DLG2: variants seen among roughly 807,000 people sequenced by gnomAD.
DLG2 encodes disks large homolog 2.
DLG2 carries 45 observed loss-of-function variants against 132.5 expected under a neutral mutation model. The ratio of observed to expected loss-of-function variants is 0.34; its 90% confidence interval spans 0.27 to 0.44. The LOEUF (loss-of-function observed/expected upper bound fraction) is 0.44. Among genes scored for constraint, DLG2 ranks in the 20% least tolerant of loss-of-function variants. The probability of loss-of-function intolerance (pLI) is 1.00; values close to 1 mark genes in which losing one functional copy is unlikely to be tolerated. For synonymous variants in DLG2, 424 were observed against 419.6 expected (o/e 1.01, Z -0.13); for missense variants, 1,045 against 1,196.9 (o/e 0.87, Z 1.87).
chr11:83,974,802 T>C (rs2091951345), intron 12 of DLG2, among the ~76,000 whole-genome samples: 1 of 152,214 alleles, frequency 6.6e-6, no homozygotes, highest in East Asian at 1.9e-4. Flanking sequence ...GCTAGGTGCC[T>C]GTGACTGAAA....
chr11:84,800,742 T>C (rs1486704377), intron 6 of DLG2: 2 of 152,242 alleles, frequency 1.3e-5, no homozygotes, highest in Admixed American at 6.5e-5. Context: ...TTTTCTCTAG[T>C]TGATATGACT....
intron 21 of DLG2, among the ~76,000 whole-genome samples, chr11:83,490,272 A>C (rs193137467): frequency 3.9e-5 from 6 of 152,122 alleles, no homozygotes; most frequent in Non-Finnish European, 5.9e-5. Flanking sequence ...AGACACAAAC[A>C]AAACCTGGAT....
chr11:84,684,023 A>G (rs879498430), intron 6 of DLG2, among the ~76,000 whole-genome samples: 5 of 152,200 alleles, frequency 3.3e-5, no homozygotes, highest in Non-Finnish European at 5.9e-5. Context: ...TAGTTTTTCA[A>G]TCCCCTAAGC....
rs573353775 is a variant in DLG2, at chr11:85,032,785, C to T, written c.357+78876G>A. Among the ~76,000 whole-genome samples the T allele has an allele frequency of 2.4e-3, 358 of 152,264 alleles. 1 individual carries two copies. Among genetic ancestry groups the T allele is most frequent in the South Asian group, 3.9e-3 (19 of 4,832 alleles). ...TGGATGAAGACTACACAATGTGCAA[C>T]TTACTAAGTGAAAGTCAGAGGAAGG... On this transcript the variant is annotated intron_variant, in intron 6 of 27. Transcript: ENST00000376104.
intron 16 of DLG2, among the ~76,000 whole-genome samples, chr11:83,836,350 A>G (rs569562511): frequency 6.6e-6 from 1 of 152,278 alleles, no homozygotes; most frequent in African/African-American, 2.4e-5. Flanking sequence ...GATACATGAA[A>G]TTAACCATCA....
chr11:83,476,756 G>A (rs895519910), intron 22 of DLG2, among the ~76,000 whole-genome samples: 1 of 152,138 alleles, frequency 6.6e-6, no homozygotes, highest in African/African-American at 2.4e-5. Flanking sequence ...TGGATTTGCA[G>A]TGCCACTACT....
chr11:83,745,797 GC>G (rs1469910283), intron 18 of DLG2, among the ~76,000 whole-genome samples: 1 of 150,872 alleles, frequency 6.6e-6, no homozygotes, highest in Non-Finnish European at 1.5e-5. Context: ...GTGAGACGCT[GC>G]CTTAAAAAAA....
chr11:83,820,505 A>G (rs558665287), intron 17 of DLG2, among the ~76,000 whole-genome samples: 1 of 152,300 alleles, frequency 6.6e-6, no homozygotes, highest in South Asian at 2.1e-4. Context: ...AGCATTTCAT[A>G]TGTAACAAGG....
At chr11:84,323,516 A>G (rs920517153) in intron 7 of DLG2, among the ~76,000 whole-genome samples, 1 of 152,144 alleles carries the variant, frequency 6.6e-6, no homozygotes, top group African/African-American at 2.4e-5. Flanking sequence ...GTACAAATCT[A>G]TATTTCAGAT....
intron 6 of DLG2, among the ~76,000 whole-genome samples, chr11:84,631,892 CAT>C (rs2099632790): frequency 6.6e-6 from 1 of 152,058 alleles, no homozygotes; most frequent in South Asian, 2.1e-4. Flanking sequence ...ACTTCTCTGG[CAT>C]AGTTTTTTCT....
chr11:85,612,568 C>G lies in DLG2; in HGVS notation c.-92-13780G>C, dbSNP rs576667361. Among the ~76,000 whole-genome samples the G allele has an allele frequency of 2.0e-5, 3 of 152,284 alleles. No homozygotes were observed. The South Asian group carries it at 6.2e-4, about 32-fold the overall frequency. ...CAATTTTAAGTTAATATGGACTGAA[C>G]GAGGTCTTACTAATAGCAAAGAATA... On this transcript the variant is annotated intron_variant, in intron 2 of 27. Transcript: ENST00000376104.
chr11:85,074,206 T>C (rs555421487), intron 6 of DLG2, among the ~76,000 whole-genome samples: 3 of 152,002 alleles, frequency 2.0e-5, no homozygotes, highest in African/African-American at 7.2e-5. Context: ...GCAATTTACC[T>C]AGATAAAAAG....
chr11:83,664,721 G>T (rs1281250648), intron 18 of DLG2, among the ~76,000 whole-genome samples: 1 of 152,166 alleles, frequency 6.6e-6, no homozygotes, highest in African/African-American at 2.4e-5. Context: ...TAAAATGTCT[G>T]TGTGTCTAAC....
In DLG2 at chr11:85,133,111, G is replaced by A. The variant is rs113514696; in HGVS notation, c.283-21376C>T. On this transcript the variant is annotated intron_variant, in intron 5 of 27. Coordinates refer to ENST00000376104, the MANE Select transcript of DLG2 (RefSeq NM_001142699.3). ...GGAACAAGGCTCCTGTGAGTGCCCC[G>A]CACAGTTCTATCGTTGCGATGAGTG... The A allele has an allele frequency of 1.4e-3, 401 of 296,942 alleles. 1 individual carries two copies. Among genetic ancestry groups the A allele is most frequent in the African/African-American group, 8.2e-3 (381 of 46,258 alleles). 18.4% of individuals were successfully genotyped at this position (296,942 alleles called of 1,614,324 possible).
intron 11 of DLG2, among the ~76,000 whole-genome samples, chr11:84,047,163 C>A (rs1434112207): frequency 6.6e-6 from 1 of 151,546 alleles, no homozygotes; most frequent in Non-Finnish European, 1.5e-5. Flanking sequence ...TAAGAAGATA[C>A]TTGGGAAAAA....
chr11:83,541,127 T>TA lies in DLG2; in HGVS notation c.2117+554dup, dbSNP rs557772899. On this transcript the variant is annotated intron_variant, in intron 20 of 27. Coordinates refer to ENST00000376104, the MANE Select transcript of DLG2 (RefSeq NM_001142699.3). ...TGGGGAACAAGAGTAAAGAAAACAG[T>TA]AAAAAAAGAAAAAAAATTGTAAACC... 5.1e-4 allele frequency among the ~76,000 whole-genome samples: 77 copies of TA among 151,856 alleles called. 2 individuals carry two copies. Among genetic ancestry groups the TA allele is most frequent in the African/African-American group, 1.8e-3 (76 of 41,424 alleles).
chr11:84,007,093 T>C (rs1279420925), intron 11 of DLG2, among the ~76,000 whole-genome samples: 2 of 151,666 alleles, frequency 1.3e-5, no homozygotes, highest in Non-Finnish European at 3.0e-5. Context: ...AAAGAGATAA[T>C]TGGAAAATCT....
At chr11:85,577,051 G>T (rs2078200380) in intron 3 of DLG2, among the ~76,000 whole-genome samples, 1 of 152,124 alleles carries the variant, frequency 6.6e-6, no homozygotes, top group Non-Finnish European at 1.5e-5. Context: ...AGTAGAAGAG[G>T]TGGGAGAAGT....
intron 3 of DLG2, among the ~76,000 whole-genome samples, chr11:85,307,810 T>G (rs1441850197): frequency 6.6e-6 from 1 of 152,232 alleles, no homozygotes; most frequent in Non-Finnish European, 1.5e-5. Flanking sequence ...ATAAAACCAC[T>G]GATATATTAG....
Sources: gnomAD v4.1 joint callset for allele counts (sites outside exome capture counted in the v4.1 genomes callset) on GRCh38, gnomAD v4.1.1 for gene constraint, MANE v1.5 for transcripts, NCBI Gene and HGNC (gene_info 2026-07-23, HGNC 2026-07-21) for gene names.